Variants in SLC38A12 observed in about 807,000 individuals in gnomAD.
SLC38A12 encodes solute carrier family 38 member 12, also known as putative sodium-coupled neutral amino acid transporter 12.
At chr17:74,830,587 G>A in the SLC38A12 span, among the ~76,000 whole-genome samples, 2 of 152,238 alleles carry the variant, frequency 1.3e-5, no homozygotes, top group Non-Finnish European at 2.9e-5. Context: ...CCACGCTTGA[G>A]GTTGCGGTAA....
At chr17:74,795,408 T>C in the SLC38A12 span, 1 of 870,236 alleles carries the variant, frequency 1.1e-6, no homozygotes. Flanking sequence ...GCAAAGTGGT[T>C]TGTGAAAAGT....
the SLC38A12 span, chr17:74,819,602 C>T: frequency 2.9e-6 from 2 of 686,078 alleles, no homozygotes; most frequent in Non-Finnish European, 5.1e-6. Context: ...CCCAAGGTGA[C>T]CCCAGGGAGC....
the SLC38A12 span, chr17:74,777,711 G>A: frequency 2.2e-6 from 2 of 915,226 alleles, no homozygotes; most frequent in South Asian, 2.7e-5. Flanking sequence ...CCTGAGGTCA[G>A]GAGTTCAAGA....
chr17:74,797,529 G>A, the SLC38A12 span, among the ~76,000 whole-genome samples: 1 of 152,326 alleles, frequency 6.6e-6, no homozygotes, highest in East Asian at 1.9e-4. Flanking sequence ...TGTTTGCTCA[G>A]AGGCTTTTGG....
At chr17:74,795,785 G>A in the SLC38A12 span, among the ~76,000 whole-genome samples, 1 of 152,204 alleles carries the variant, frequency 6.6e-6, no homozygotes, top group Non-Finnish European at 1.5e-5. Context: ...CTTGGCCCCA[G>A]GCAGAAATGG....
chr17:74,791,545 T>C, the SLC38A12 span, among the ~76,000 whole-genome samples: 65,180 of 152,262 alleles, frequency 0.43, 15,697 homozygotes, highest in Non-Finnish European at 0.55. Context: ...CACCTCCTGC[T>C]TGATTGCCTC....
the SLC38A12 span, among the ~76,000 whole-genome samples, chr17:74,792,541 T>A: frequency 6.6e-6 from 1 of 152,224 alleles, no homozygotes. Context: ...ACATTCTCAG[T>A]TCATCCTTCC....
At chr17:74,812,790 C>T in the SLC38A12 span, among the ~76,000 whole-genome samples, 2 of 152,176 alleles carry the variant, frequency 1.3e-5, no homozygotes, top group Non-Finnish European at 2.9e-5. Flanking sequence ...AGAAGTGCCT[C>T]TGTCACCCCT....
At chr17:74,795,435 A>T in the SLC38A12 span, 1 of 1,145,086 alleles carries the variant, frequency 8.7e-7, no homozygotes, top group Non-Finnish European at 1.3e-6. Context: ...GTTGGCGCTC[A>T]GGCAGCTGTG....
chr17:74,838,254 A>G, the SLC38A12 span: 1 of 985,592 alleles, frequency 1.0e-6, no homozygotes, highest in Non-Finnish European at 1.2e-6. Context: ...CATCCACGGG[A>G]AAAACAAATG....
At chr17:74,836,273 C>T in the SLC38A12 span, 2 of 1,611,874 alleles carry the variant, frequency 1.2e-6, no homozygotes, top group Admixed American at 1.7e-5. The surrounding 1 kb of genome is among the most constrained non-coding windows in gnomAD (Gnocchi z 4.2). Context: ...TCCTGGGCCT[C>T]TTCCCCGTCT....
At chr17:74,818,941 T>C in the SLC38A12 span, among the ~76,000 whole-genome samples, 2 of 152,216 alleles carry the variant, frequency 1.3e-5, no homozygotes, top group African/African-American at 2.4e-5. Flanking sequence ...GCAAAGAAGG[T>C]TCCCATTTCC....
chr17:74,778,109 A>G, the SLC38A12 span, among the ~76,000 whole-genome samples: 1 of 152,222 alleles, frequency 6.6e-6, no homozygotes, highest in African/African-American at 2.4e-5. Context: ...GCGAAAGCAT[A>G]CAGAGACTTC....
chr17:74,781,883 C>T, the SLC38A12 span, among the ~76,000 whole-genome samples: 2 of 152,222 alleles, frequency 1.3e-5, no homozygotes, highest in Admixed American at 6.5e-5. Flanking sequence ...TTCAGCCACA[C>T]AGGCCTTCTG....
chr17:74,783,836 TC>T, the SLC38A12 span, among the ~76,000 whole-genome samples: 322 of 143,528 alleles, frequency 2.2e-3, 2 homozygotes, highest in Admixed American at 1.2e-3. Context: ...GTTCAAGCGA[TC>T]CCCCTGCCTC....
the SLC38A12 span, among the ~76,000 whole-genome samples, chr17:74,808,158 A>G: frequency 1.3e-5 from 2 of 152,242 alleles, no homozygotes; most frequent in South Asian, 4.1e-4. Flanking sequence ...CTTGTCCTCC[A>G]ATGAGAGGCC....
At chr17:74,781,237 A>G in the SLC38A12 span, among the ~76,000 whole-genome samples, 4 of 152,130 alleles carry the variant, frequency 2.6e-5, 1 homozygote, top group Admixed American at 1.3e-4. Flanking sequence ...GCATCCCTGA[A>G]TTTACAAATG....
chr17:74,777,347 C>T, the SLC38A12 span: 1 of 1,614,188 alleles, frequency 6.2e-7, no homozygotes, highest in Non-Finnish European at 8.5e-7. Flanking sequence ...GGTGAAATTA[C>T]AGAGACCGGG....
At chr17:74,834,750 C>T in the SLC38A12 span, among the ~76,000 whole-genome samples, 8 of 152,216 alleles carry the variant, frequency 5.3e-5, no homozygotes, top group Non-Finnish European at 1.2e-4. Context: ...CACGTGTCCC[C>T]GTGGGCTTCA....
Sources: allele counts gnomAD v4.1 joint callset (sites outside exome capture counted in the v4.1 genomes callset), GRCh38; gene constraint gnomAD v4.1.1; non-coding constraint Gnocchi (gnomAD v3.1); transcripts MANE v1.5; gene names NCBI Gene and HGNC (gene_info 2026-07-23, HGNC 2026-07-21).